Variants in PDE1B observed in about 807,000 individuals in gnomAD.
The protein encoded by PDE1B is phosphodiesterase 1B, also known as dual specificity calcium/calmodulin-dependent 3',5'-cyclic nucleotide phosphodiesterase 1B.
A neutral mutation model predicts 66.7 loss-of-function variants in PDE1B; 13 were observed. The observed-to-expected ratio is 0.19, with a 90% confidence interval of 0.13 to 0.31. The LOEUF is 0.31. PDE1B is among the 10% of genes least tolerant of loss of function. The pLI, the probability that PDE1B is intolerant of heterozygous loss-of-function variation, is 1.00. For synonymous variants in PDE1B, 230 were observed against 253.9 expected (o/e 0.91, Z 0.90); for missense variants, 485 against 682.3 (o/e 0.71, Z 3.22).
chr12:54,559,316 G>A (rs4759092), intron 2 of PDE1B, among the ~76,000 whole-genome samples: 94,273 of 147,458 alleles, frequency 0.64, 30,630 homozygotes, highest in Non-Finnish European at 0.71. Flanking sequence ...TTCCTACCTC[G>A]ACCTTATTCT....
intron 3 of PDE1B, among the ~76,000 whole-genome samples, chr12:54,568,366 G>A (rs187431564): frequency 4.6e-4 from 70 of 152,018 alleles, no homozygotes; most frequent in South Asian, 6.2e-4. Flanking sequence ...GGAGGCTGAG[G>A]GGGGAGGATC....
intron 2 of PDE1B, among the ~76,000 whole-genome samples, chr12:54,562,635 G>C (rs900135026): frequency 6.6e-6 from 1 of 152,326 alleles, no homozygotes. Flanking sequence ...AGGACTTTGA[G>C]TGGTCTGGGG....
chr12:54,560,681 G>A (rs1490265882), intron 2 of PDE1B, among the ~76,000 whole-genome samples: 1 of 152,208 alleles, frequency 6.6e-6, no homozygotes, highest in Admixed American at 6.5e-5. Context: ...AAAGTCTGAA[G>A]GCGGGAGAGG....
At chr12:54,563,025 G>A (rs764095401) in intron 2 of PDE1B, among the ~76,000 whole-genome samples, 8 of 152,126 alleles carry the variant, frequency 5.3e-5, no homozygotes, top group Non-Finnish European at 7.4e-5. Context: ...TAGAAACCCT[G>A]GCTCAGAAAT....
At chr12:54,567,377 C>T (rs138356674) in intron 3 of PDE1B, among the ~76,000 whole-genome samples, 15 of 151,922 alleles carry the variant, frequency 9.9e-5, no homozygotes, top group Admixed American at 3.3e-4. Flanking sequence ...GTGGCATGCT[C>T]CTGTAGTTCT....
In PDE1B at chr12:54,569,513, A is replaced by G. The variant is rs1336963306; in HGVS notation, c.411-33A>G. On this transcript the variant is annotated intron_variant, in intron 4 of 15. Transcript: ENST00000243052. The surrounding 1 kb of genome is among the most constrained non-coding windows in gnomAD (Gnocchi z 4.4). ...GCCACACCTCCACTCCCAGACCTTC[A>G]TATGTGGGCTTCTTCTCATTGTTCT... The G allele has an allele frequency of 1.2e-6, 2 of 1,602,514 alleles. No individual in the cohort carries two copies. Among genetic ancestry groups the G allele is most frequent in the East Asian group, 2.2e-5 (1 of 44,836 alleles).
At chr12:54,577,538 A>C (rs1190722506) in intron 15 of PDE1B, 193 bp downstream of exon 15, 3 of 1,552,232 alleles carry the variant, frequency 1.9e-6, no homozygotes, top group Admixed American at 1.8e-5. Context: ...TCTGTCCCCC[A>C]GTCCCTGCAG....
Position 54,573,383 on chromosome 12 carries a change from C to G in PDE1B, c.865C>G (p.Arg289Gly). ...KSECAIVYND[R>G]SVLENHHISS... ...AGAATGTGCCATCGTGTACAATGAT[C>G]GTTCAGTGCTGGAGAATCACCACAT... Residue 289 changes from arginine to glycine, a missense_variant, in exon 9 of 16, where the codon CGT (arginine) becomes GGT (glycine). Around this residue, in one of 4 missense-constraint regions of PDE1B, gnomAD observed 282 missense variants for 453.4 expected, o/e 0.62. Transcript: ENST00000243052. This position sits in a 1 kb window ranked among gnomAD's most constrained non-coding sequence, Gnocchi z 5.2. 6.2e-7 allele frequency: 1 copy of G among 1,614,012 alleles called. No individual in the cohort carries two copies. Among genetic ancestry groups the G allele is most frequent in the Non-Finnish European group, 8.5e-7 (1 of 1,179,926 alleles).
chr12:54,574,594 T>C (rs918356281), intron 10 of PDE1B: 1 of 152,690 alleles, frequency 6.5e-6, no homozygotes, highest in African/African-American at 2.4e-5. Flanking sequence ...GGCTCTCAGC[T>C]ACTAACCCGT....
chr12:54,575,094 C>T lies in PDE1B; in HGVS notation c.1065-4C>T, dbSNP rs758416727. 19 of 1,613,328 alleles carry T rather than the reference C, an allele frequency of 1.2e-5. No individual in the cohort carries two copies. The Admixed American group carries it at 3.0e-4, about 25-fold the overall frequency. On this transcript the variant is annotated splice_polypyrimidine_tract_variant and splice_region_variant and intron_variant, in intron 10 of 15. Transcript: ENST00000243052. The surrounding 1 kb of genome is among the most constrained non-coding windows in gnomAD (Gnocchi z 4.0). ...TCCCTTCCCTTGCCATCTGCCCCAA[C>T]CAGGATTGACAAGCCCAAGGCCCTG...
Position 54,573,325 on chromosome 12 carries a change from G to A in PDE1B, c.837-30G>A, listed in dbSNP as rs1957652899. On this transcript the variant is annotated intron_variant, in intron 8 of 15. Transcript: ENST00000243052. This position sits in a 1 kb window ranked among gnomAD's most constrained non-coding sequence, Gnocchi z 5.2. Reference sequence around the variant, plus strand: ...GGTTGCCGGAGTCCCTCCTTACAGGGGGTGGTCATGATGACCTTTGGCTTT... The same window carrying A: ...GGTTGCCGGAGTCCCTCCTTACAGGAGGTGGTCATGATGACCTTTGGCTTT... 6.2e-7 allele frequency: 1 copy of A among 1,613,974 alleles called. No individual in the cohort carries two copies. Among genetic ancestry groups the A allele is most frequent in the African/African-American group, 1.3e-5 (1 of 74,898 alleles).
At chr12:54,577,430 C>T (rs756466833) in intron 15 of PDE1B, 85 bp downstream of exon 15, 23 of 1,606,832 alleles carry the variant, frequency 1.4e-5, no homozygotes, top group Non-Finnish European at 1.9e-5. Flanking sequence ...CCAGTGGATG[C>T]GACATTCTCT....
rs76676851 is a variant in PDE1B at position 54,578,781 on chromosome 12, C to T, written c.*939C>T. 0.011 allele frequency: 1,622 copies of T among 152,352 alleles called. 11 individuals carry two copies. Among genetic ancestry groups the T allele is most frequent in the Middle Eastern group, 0.041 (12 of 296 alleles). 9.4% of individuals were successfully genotyped at this position (152,352 alleles called of 1,614,324 possible). A position where few individuals can be genotyped will look rare whatever the true frequency, so the allele number is the denominator to read the frequency against. ...GGGTGCCTGGGGAGGGTGAGTAATCCTGCATTGCTAAAAGAGAGGGTCTGT... is the reference window on the plus strand; with the variant it reads ...GGGTGCCTGGGGAGGGTGAGTAATCTTGCATTGCTAAAAGAGAGGGTCTGT... On this transcript the variant is annotated 3_prime_UTR_variant, in exon 16 of 16. Transcript: ENST00000243052.
At chr12:54,568,333 G>T (rs1565699567) in intron 3 of PDE1B, among the ~76,000 whole-genome samples, 1 of 151,896 alleles carries the variant, frequency 6.6e-6, no homozygotes, top group Non-Finnish European at 1.5e-5. Context: ...ATGGTGATGT[G>T]CATCTGTAGT....
At position 54,549,614 on chromosome 12, in the gene PDE1B, G is replaced by GGCGGCGGTAGCGGCAGCAGCA. The variant is rs1555173374; in HGVS notation, c.-163_-143dup. 4.3e-6 allele frequency: 2 copies of GGCGGCGGTAGCGGCAGCAGCA among 461,894 alleles called. No homozygotes were observed. The highest frequency in any genetic ancestry group is 4.1e-5 in the African/African-American group (2 of 48,324). The allele number at this position is 461,894 out of a possible 1,614,324, so 28.6% of individuals were successfully genotyped here. A position where few individuals can be genotyped will look rare whatever the true frequency, so the allele number is the denominator to read the frequency against. On this transcript the variant is annotated 5_prime_UTR_variant, in exon 1 of 16. Transcript: ENST00000243052. The stretch of plus-strand genomic sequence containing the variant: ...GGCGGCTCTGGCAGCGCGCGGCGGC[G>GGCGGCGGTAGCGGCAGCAGCA]GCGGCGGTAGCGGCAGCAGCAGCGG...
In PDE1B at chr12:54,577,231, C is replaced by A. The variant is rs144100250; in HGVS notation, c.1514C>A (p.Thr505Asn). 3.1e-6 allele frequency: 5 copies of A among 1,613,652 alleles called. No individual in the cohort carries two copies. The highest frequency in any genetic ancestry group is 1.7e-4 in the Middle Eastern group (1 of 6,060). ...CCTTTATGCTCCTCTACAGGCATCA[C>A]CAACCAGATGTCCATTGACGAGCTG... ...KWKERAASGITNQMSIDELSP... is the reference protein window; with the variant it reads ...KWKERAASGINNQMSIDELSP... Residue 505 changes from threonine to asparagine, a missense_variant, in exon 15 of 16, where the codon ACC becomes AAC. By Grantham distance (65) the Thr-to-Asn change is moderately conservative. Coordinates refer to ENST00000243052, the MANE Select transcript of PDE1B (RefSeq NM_000924.4).
intron 2 of PDE1B, among the ~76,000 whole-genome samples, chr12:54,560,664 C>G (rs888104055): frequency 1.3e-5 from 2 of 152,184 alleles, no homozygotes; most frequent in African/African-American, 4.8e-5. Context: ...CCAACCTTGG[C>G]GAAAGCAAAG....
At chr12:54,550,046 G>A (rs1197462664) in intron 2 of PDE1B, 61 bp downstream of exon 2, 4 of 1,576,982 alleles carry the variant, frequency 2.5e-6, no homozygotes, top group East Asian at 2.3e-5. Flanking sequence ...GGGAGGAGGA[G>A]GGGGGATAAC....
intron 15 of PDE1B, 61 bp downstream of exon 15, chr12:54,577,406 G>A (rs1162940760): frequency 6.2e-7 from 1 of 1,608,132 alleles, no homozygotes; most frequent in Admixed American, 1.7e-5. Context: ...TCTTTGTTGG[G>A]TCGTCTCTGG....
Sources: allele counts gnomAD v4.1 joint callset (sites outside exome capture counted in the v4.1 genomes callset), GRCh38; gene constraint gnomAD v4.1.1; regional missense constraint gnomAD v4.1.1; non-coding constraint Gnocchi (gnomAD v3.1); transcripts MANE v1.5; gene names NCBI Gene and HGNC (gene_info 2026-07-23, HGNC 2026-07-21).